The following SLIT3 variants were observed in gnomAD, a reference collection of about 807,000 sequenced individuals.
The protein encoded by SLIT3 is slit guidance ligand 3, also known as slit homolog 3 protein.
A neutral mutation model predicts 184.0 loss-of-function variants in SLIT3; 68 were observed. The observed-to-expected ratio is 0.37, with a 90% CI of 0.30 to 0.45. The LOEUF (loss-of-function observed/expected upper bound fraction) is 0.45, where lower values mean the gene tolerates loss of function less well. Ranked by LOEUF, SLIT3 falls within the 20% of genes least tolerant of loss-of-function variation. The pLI is 1.00. For missense variants in SLIT3, 1,707 were observed against 2,026.0 expected, an observed-to-expected ratio of 0.84 and a Z score of 3.02; for synonymous variants, 831 against 828.6, an observed-to-expected ratio of 1.00 and a Z score of -0.05.
At chr5:168,967,245 A>G (rs1021191941) in intron 4 of SLIT3, among the ~76,000 whole-genome samples, 2 of 151,930 alleles carry the variant, frequency 1.3e-5, no homozygotes, top group African/African-American at 4.8e-5. Flanking sequence ...TGTATATAAG[A>G]GAGACACACA....
At chr5:168,991,900 G>C (rs1755344610) in intron 4 of SLIT3, among the ~76,000 whole-genome samples, 1 of 152,236 alleles carries the variant, frequency 6.6e-6, no homozygotes, top group Non-Finnish European at 1.5e-5. Context: ...TGGGGAGCTG[G>C]GGTGGGGGCA....
intron 19 of SLIT3, 118 bp downstream of exon 19, chr5:168,749,354 G>T: frequency 2.5e-6 from 3 of 1,194,300 alleles, no homozygotes; most frequent in South Asian, 1.4e-5. Context: ...CAGAGCTCCA[G>T]CTGCATGCCC....
intron 4 of SLIT3, among the ~76,000 whole-genome samples, chr5:169,073,257 A>G (rs2113131528): frequency 6.6e-6 from 1 of 152,294 alleles, no homozygotes; most frequent in Middle Eastern, 3.4e-3. Flanking sequence ...ACATTAAAAG[A>G]GTAAGAGGAC....
intron 4 of SLIT3, among the ~76,000 whole-genome samples, chr5:169,134,727 T>G (rs1024481158): frequency 2.0e-5 from 3 of 152,292 alleles, no homozygotes; most frequent in African/African-American, 7.2e-5. Flanking sequence ...TGTGCACATG[T>G]ACCCTAGAAC....
intron 20 of SLIT3, among the ~76,000 whole-genome samples, chr5:168,735,035 T>C (rs1057016287): frequency 3.3e-5 from 5 of 152,182 alleles, no homozygotes; most frequent in African/African-American, 9.7e-5. Context: ...ATGAAAACTC[T>C]GAACTCCAAA....
intron 4 of SLIT3, among the ~76,000 whole-genome samples, chr5:169,089,424 G>C (rs940657232): frequency 3.3e-5 from 5 of 152,168 alleles, no homozygotes; most frequent in African/African-American, 1.2e-4. Context: ...GGGTTAGCAG[G>C]GGTGCTGTCT....
chr5:168,803,879 G>A (rs990338151), intron 9 of SLIT3, among the ~76,000 whole-genome samples: 4 of 152,094 alleles, frequency 2.6e-5, no homozygotes, highest in Non-Finnish European at 5.9e-5. Flanking sequence ...GCTCACTGTG[G>A]CTGGATGTTG....
intron 5 of SLIT3, among the ~76,000 whole-genome samples, chr5:168,846,273 A>C (rs1758462580): frequency 6.6e-6 from 1 of 152,212 alleles, no homozygotes; most frequent in South Asian, 2.1e-4. Flanking sequence ...AAGCAGAAGC[A>C]CATTTTCAGT....
chr5:169,169,082 G>C (rs564855877), intron 4 of SLIT3, among the ~76,000 whole-genome samples: 1 of 152,168 alleles, frequency 6.6e-6, no homozygotes, highest in Non-Finnish European at 1.5e-5. Context: ...GGTGTTGTAA[G>C]CAACAGCAGC....
chr5:169,182,992 G>A (rs2113446620), intron 4 of SLIT3, among the ~76,000 whole-genome samples: 1 of 152,314 alleles, frequency 6.6e-6, no homozygotes, highest in African/African-American at 2.4e-5. Flanking sequence ...AGCTGTCACA[G>A]TTTCAACTCC....
intron 1 of SLIT3, among the ~76,000 whole-genome samples, chr5:169,274,208 C>A (rs1766726620): frequency 6.6e-6 from 1 of 152,146 alleles, no homozygotes; most frequent in Admixed American, 6.5e-5. Flanking sequence ...CTGGTGCCTG[C>A]TCAAGTTGGG....
intron 4 of SLIT3, among the ~76,000 whole-genome samples, chr5:168,905,861 A>T (rs567839075): frequency 6.6e-6 from 1 of 152,332 alleles, no homozygotes; most frequent in African/African-American, 2.4e-5. Context: ...TGATGTCTAG[A>T]CTTTTTGACT....
At chr5:168,908,451 G>A (rs1761150518) in intron 4 of SLIT3, among the ~76,000 whole-genome samples, 1 of 152,126 alleles carries the variant, frequency 6.6e-6, no homozygotes, top group South Asian at 2.1e-4. Flanking sequence ...ATGTCAAGAC[G>A]GATGAGCGGT....
intron 20 of SLIT3, among the ~76,000 whole-genome samples, chr5:168,744,924 T>C (rs1763753455): frequency 1.3e-5 from 2 of 152,216 alleles, no homozygotes; most frequent in Non-Finnish European, 2.9e-5. Context: ...TCTTATTATT[T>C]AAGAAATATA....
At chr5:168,782,369 G>C (rs1188084688) in intron 12 of SLIT3, among the ~76,000 whole-genome samples, 1 of 152,220 alleles carries the variant, frequency 6.6e-6, no homozygotes, top group Non-Finnish European at 1.5e-5. Flanking sequence ...TGACTCCCTG[G>C]AGGGGAGGTG....
At chr5:169,200,126 G>A (rs1763865815) in intron 3 of SLIT3, among the ~76,000 whole-genome samples, 1 of 152,192 alleles carries the variant, frequency 6.6e-6, no homozygotes, top group Non-Finnish European at 1.5e-5. Flanking sequence ...AGCAAGGTGA[G>A]CAGGGCGAAG....
In SLIT3 at chr5:168,966,333, ATT is replaced by A. The variant is rs79367819; in HGVS notation, c.414-82999_414-82998del. 5.8e-3 allele frequency among the ~76,000 whole-genome samples: 839 copies of A among 144,514 alleles called. 10 individuals carry two copies. The highest frequency in any genetic ancestry group is 0.019 in the African/African-American group (763 of 39,342). 94.8% of individuals were successfully genotyped at this position (144,514 alleles called of 152,430 possible). A position where few individuals can be genotyped will look rare whatever the true frequency, so the allele number is the denominator to read the frequency against. ...TAGAAGAGTCTGAGAGGTTCGCTGG[ATT>A]TTTTTTTTTTTTTAATTTTAGAAGC... is the stretch of plus-strand genomic sequence containing the variant. On this transcript the variant is annotated intron_variant, in intron 4 of 35. Coordinates refer to ENST00000519560, the MANE Select transcript of SLIT3 (RefSeq NM_003062.4).
intron 2 of SLIT3, among the ~76,000 whole-genome samples, chr5:169,248,893 G>A (rs551237838): frequency 1.3e-5 from 2 of 152,254 alleles, no homozygotes; most frequent in South Asian, 4.1e-4. Context: ...TTCATTTGGG[G>A]AAAATTGCCC....
intron 2 of SLIT3, among the ~76,000 whole-genome samples, chr5:169,250,816 T>A (rs1215059666): frequency 3.4e-5 from 5 of 147,614 alleles, no homozygotes; most frequent in Admixed American, 2.0e-4. Flanking sequence ...GGAAGTTTCT[T>A]ATCACTCACA....
Sources: gnomAD v4.1 joint callset for allele counts (sites outside exome capture counted in the v4.1 genomes callset) on GRCh38, gnomAD v4.1.1 for gene constraint, MANE v1.5 for transcripts, NCBI Gene and HGNC (gene_info 2026-07-23, HGNC 2026-07-21) for gene names.